The following JPH3 variants were observed in gnomAD, a reference collection of about 807,000 sequenced individuals.
JPH3 encodes the protein junctophilin-3.
Under a neutral mutation model 59.6 loss-of-function variants are expected in JPH3, and 11 were observed. That is an observed-to-expected ratio of 0.18 (90% CI 0.12 to 0.31). The LOEUF (loss-of-function observed/expected upper bound fraction) is 0.31. JPH3 is among the 10% of genes least tolerant of loss of function. The pLI is 1.00. For missense variants in JPH3, 1,202 were observed against 1,105.7 expected (o/e 1.09, Z -1.24); for synonymous variants, 673 against 483.6 (o/e 1.39, Z -5.14).
At chr16:87,673,372 C>T (rs953877130) in intron 2 of JPH3, among the ~76,000 whole-genome samples, 3 of 151,960 alleles carry the variant, frequency 2.0e-5, no homozygotes, top group East Asian at 1.9e-4. Flanking sequence ...CAGACCCCCT[C>T]GTGCTTTGCT....
At chr16:87,631,297 C>T (rs1186928274) in intron 1 of JPH3, among the ~76,000 whole-genome samples, 1 of 152,152 alleles carries the variant, frequency 6.6e-6, no homozygotes, top group African/African-American at 2.4e-5. Flanking sequence ...GAGTAGCTTC[C>T]TAAGAAAGGA....
intron 3 of JPH3, among the ~76,000 whole-genome samples, chr16:87,688,159 C>T (rs1349020693): frequency 6.6e-6 from 1 of 152,146 alleles, no homozygotes; most frequent in Non-Finnish European, 1.5e-5. Context: ...GGGGAGTGAC[C>T]ACAGAGAAGC....
chr16:87,641,342 C>T (rs1171758892), intron 1 of JPH3, among the ~76,000 whole-genome samples: 1 of 152,088 alleles, frequency 6.6e-6, no homozygotes, highest in Non-Finnish European at 1.5e-5. Flanking sequence ...AGTGAGGTTG[C>T]TTCTGATGTT....
chr16:87,677,806 T>C (rs1186323464), intron 2 of JPH3, among the ~76,000 whole-genome samples: 1 of 152,194 alleles, frequency 6.6e-6, no homozygotes, highest in Non-Finnish European at 1.5e-5. Context: ...GCAGACCCGC[T>C]CCTGTCTCCA....
At chr16:87,695,652 C>A (rs1285822619) in intron 4 of JPH3, 1 of 456,076 alleles carries the variant, frequency 2.2e-6, no homozygotes, top group South Asian at 1.5e-5. Context: ...ATTCCCTGTG[C>A]AGCAGGTACT....
At position 87,666,362 on chromosome 16, in the gene JPH3, T is replaced by C. The variant is rs1470985452; in HGVS notation, c.1161-17780T>C. Among the ~76,000 whole-genome samples the C allele has an allele frequency of 2.7e-4, 41 of 150,626 alleles. 1 individual carries two copies. The Admixed American group carries it at 2.7e-3, about 10-fold the overall frequency. Reference sequence around the variant, plus strand: ...CCTCGACCTCTCAAAGTGCTTATATTACAGGCATGAGCCACCGCGCCTGGC... The same window carrying C: ...CCTCGACCTCTCAAAGTGCTTATATCACAGGCATGAGCCACCGCGCCTGGC... On this transcript the variant is annotated intron_variant, in intron 2 of 4. Coordinates refer to ENST00000284262, the MANE Select transcript of JPH3 (RefSeq NM_020655.4).
intron 2 of JPH3, chr16:87,655,061 A>C (rs2032449831): frequency 6.6e-6 from 1 of 152,050 alleles, no homozygotes; most frequent in African/African-American, 2.4e-5. Flanking sequence ...GTCAGTGGGC[A>C]GCGCCTGGGA....
chr16:87,652,646 C>T (rs2032361228), intron 2 of JPH3, among the ~76,000 whole-genome samples: 1 of 152,156 alleles, frequency 6.6e-6, no homozygotes, highest in Non-Finnish European at 1.5e-5. Context: ...CTGGGGTCAG[C>T]CCCCGTCTGT....
chr16:87,696,749 ACTCGGACAGCC>A lies in JPH3; in HGVS notation c.*91_*101del. On this transcript the variant is annotated 3_prime_UTR_variant, in exon 5 of 5. Transcript: ENST00000284262. ...AAACCACAAGAAGGGAAAGACCGCA[ACTCGGACAGCC>A]CAGCGACTTCCAAGTCCTCTCACAG... 9.4e-7 allele frequency: 1 copy of A among 1,062,018 alleles called. No individual in the cohort carries two copies. The highest frequency in any genetic ancestry group is 1.4e-6 in the Non-Finnish European group (1 of 697,510). The allele number at this position is 1,062,018 out of a possible 1,614,324, so 65.8% of individuals were successfully genotyped here. A position where few individuals can be genotyped will look rare whatever the true frequency, so the allele number is the denominator to read the frequency against.
chr16:87,698,030 T>C lies in JPH3; in HGVS notation c.*1370T>C, dbSNP rs2033972800. 6.5e-6 allele frequency: 1 copy of C among 152,672 alleles called. No individual in the cohort carries two copies. Among genetic ancestry groups the C allele is most frequent in the Admixed American group, 6.5e-5 (1 of 15,288 alleles). The allele number at this position is 152,672 out of a possible 1,614,324, so 9.5% of individuals were successfully genotyped here. A position where few individuals can be genotyped will look rare whatever the true frequency, so the allele number is the denominator to read the frequency against. On this transcript the variant is annotated 3_prime_UTR_variant, in exon 5 of 5. Coordinates refer to ENST00000284262, the MANE Select transcript of JPH3 (RefSeq NM_020655.4). ...TGGGGCCAGCCCGTCTTATGGACTC[T>C]GCCTTGCTTTGCTTATGTTTAGCTG...
At chr16:87,678,022 G>A (rs896409026) in intron 2 of JPH3, among the ~76,000 whole-genome samples, 3 of 152,182 alleles carry the variant, frequency 2.0e-5, no homozygotes, top group South Asian at 2.1e-4. Context: ...GGAGGCCAAG[G>A]TGGAGGAATG....
chr16:87,610,215 T>G (rs2030680751), intron 1 of JPH3, among the ~76,000 whole-genome samples: 1 of 152,224 alleles, frequency 6.6e-6, no homozygotes, highest in Non-Finnish European at 1.5e-5. Flanking sequence ...CTTCACTTGC[T>G]TGCTTACTCA....
chr16:87,692,287 C>T (rs756473397), intron 4 of JPH3, among the ~76,000 whole-genome samples: 8 of 151,254 alleles, frequency 5.3e-5, no homozygotes, highest in Non-Finnish European at 1.0e-4. Context: ...TGTGTAGAGG[C>T]GCGGTCAATC....
At chr16:87,635,462 G>C (rs938795018) in intron 1 of JPH3, among the ~76,000 whole-genome samples, 1 of 152,212 alleles carries the variant, frequency 6.6e-6, no homozygotes, top group African/African-American at 2.4e-5. Context: ...CCACAAGGCC[G>C]GCTGAGGGGC....
chr16:87,650,260 C>G (rs1444293392), intron 2 of JPH3, among the ~76,000 whole-genome samples: 1 of 152,194 alleles, frequency 6.6e-6, no homozygotes, highest in Non-Finnish European at 1.5e-5. Context: ...GATCAGTGGT[C>G]TTTGAGGTTA....
At chr16:87,694,228 G>A (rs557303903) in intron 4 of JPH3, 1 of 152,502 alleles carries the variant, frequency 6.6e-6, no homozygotes, top group African/African-American at 2.4e-5. Context: ...GAAGGGGCGA[G>A]GGTGTGGTGG....
chr16:87,694,469 G>C, intron 4 of JPH3: 1 of 152,248 alleles, frequency 6.6e-6, no homozygotes, highest in East Asian at 1.9e-4. Context: ...ATCCAGGCTA[G>C]GCAAGGGGAC....
At chr16:87,634,533 G>A (rs966578971) in intron 1 of JPH3, among the ~76,000 whole-genome samples, 21 of 152,350 alleles carry the variant, frequency 1.4e-4, no homozygotes, top group African/African-American at 4.6e-4. Context: ...CTGCCTCCAG[G>A]TGGGAAGGGG....
At chr16:87,677,637 C>A (rs191432721) in intron 2 of JPH3, among the ~76,000 whole-genome samples, 2 of 152,190 alleles carry the variant, frequency 1.3e-5, no homozygotes, top group African/African-American at 4.8e-5. Context: ...GCGTGGCCCC[C>A]GTCATACCTT....
Sources: allele counts gnomAD v4.1 joint callset (sites outside exome capture counted in the v4.1 genomes callset), GRCh38; gene constraint gnomAD v4.1.1; transcripts MANE v1.5; gene names NCBI Gene and HGNC (gene_info 2026-07-23, HGNC 2026-07-21).